The following NRF1 variants were observed in gnomAD, a reference collection of about 807,000 sequenced individuals.
The protein encoded by NRF1 is nuclear respiratory factor 1.
NRF1 carries 5 observed loss-of-function variants against 58.5 expected under a neutral mutation model. The ratio of observed to expected loss-of-function variants is 0.09; its 90% CI spans 0.04 to 0.18. NRF1 has a LOEUF of 0.18. Among genes scored for constraint, NRF1 ranks in the 10% least tolerant of loss-of-function variants. NRF1 has a pLI of 1.00. For synonymous variants in NRF1, 224 were observed against 246.7 expected (o/e 0.91, Z 0.86); for missense variants, 288 against 657.7 (o/e 0.44, Z 6.15).
At chr7:129,625,836 C>T (rs573239114) in intron 1 of NRF1, among the ~76,000 whole-genome samples, 2 of 152,184 alleles carry the variant, frequency 1.3e-5, no homozygotes, top group African/African-American at 2.4e-5. Flanking sequence ...TGCCTGCCAC[C>T]ACACCTGGCT....
At chr7:129,709,471 TGGA>T in intron 6 of NRF1, among the ~76,000 whole-genome samples, 1 of 152,296 alleles carries the variant, frequency 6.6e-6, no homozygotes, top group South Asian at 2.1e-4. Context: ...GGTTGCCTTT[TGGA>T]GCAGTTTTAA....
intron 10 of NRF1, among the ~76,000 whole-genome samples, chr7:129,745,388 C>T (rs1257216054): frequency 2.0e-5 from 3 of 152,208 alleles, no homozygotes; most frequent in South Asian, 2.1e-4. Flanking sequence ...CAAGCATCAC[C>T]GCCCGAGCTC....
rs67443980 is a variant in NRF1 at position 129,719,497 on chromosome 7, A to AACACACACACACACACAC, written c.1223+2151_1223+2168dup. Among the ~76,000 whole-genome samples, 721 of 141,972 alleles carry AACACACACACACACACAC rather than the reference A, an allele frequency of 5.1e-3. 10 individuals carry two copies. Among genetic ancestry groups the AACACACACACACACACAC allele is most frequent in the Middle Eastern group, 0.011 (3 of 270 alleles). The allele number at this position is 141,972 out of a possible 152,430, so 93.1% of individuals were successfully genotyped here. Reference sequence around the variant, plus strand: ...TGGTTGATTAGGAATAGGAAACTGAAACACACACACACACACACACACACA... The same window carrying AACACACACACACACACAC: ...TGGTTGATTAGGAATAGGAAACTGAAACACACACACACACACACACACACACACACACACACACACACA... On this transcript the variant is annotated intron_variant, in intron 9 of 10. Coordinates refer to ENST00000393232, the MANE Select transcript of NRF1 (RefSeq NM_005011.5).
intron 5 of NRF1, among the ~76,000 whole-genome samples, chr7:129,703,876 GC>G (rs1470756513): frequency 1.3e-5 from 2 of 151,992 alleles, no homozygotes; most frequent in Non-Finnish European, 2.9e-5. Flanking sequence ...TGTTTCTCCT[GC>G]CTCACATATT....
chr7:129,714,739 C>CT (rs1346440987), intron 8 of NRF1, among the ~76,000 whole-genome samples: 1 of 152,190 alleles, frequency 6.6e-6, no homozygotes, highest in African/African-American at 2.4e-5. Flanking sequence ...AGGAATGTCT[C>CT]TTTCTCTGAG....
rs1307100622 is a variant in NRF1, at chr7:129,755,158, G to A, written c.1489G>A (p.Glu497Lys). Reference protein sequence around the residue: ...SAVTMDGQAVEVVTLEQ With the variant: ...SAVTMDGQAVKVVTLEQ ...AGTCACCATGGACGGCCAAGCTGTG[G>A]AGGTGGTGACATTGGAACAGTGACA... is the stretch of plus-strand genomic sequence containing the variant. Residue 497 changes from glutamate to lysine, a missense_variant, in exon 11 of 11, where the codon GAG (glutamate) becomes AAG (lysine). By Grantham distance (56) the Glu-to-Lys change is moderately conservative. Coordinates refer to ENST00000393232, the MANE Select transcript of NRF1 (RefSeq NM_005011.5). The surrounding 1 kb of genome is among the most constrained non-coding windows in gnomAD (Gnocchi z 5.8). 1 of 1,612,508 alleles carries A rather than the reference G, an allele frequency of 6.2e-7. No individual in the cohort carries two copies. The highest frequency in any genetic ancestry group is 2.2e-5 in the East Asian group (1 of 44,722).
chr7:129,649,187 A>C (rs1801479565), intron 1 of NRF1, among the ~76,000 whole-genome samples: 1 of 152,138 alleles, frequency 6.6e-6, no homozygotes, highest in Non-Finnish European at 1.5e-5. Context: ...CTGAGGAGCA[A>C]ACCCTATAGT....
chr7:129,638,542 T>A (rs1236071149), intron 1 of NRF1, among the ~76,000 whole-genome samples: 1 of 152,306 alleles, frequency 6.6e-6, no homozygotes, highest in East Asian at 1.9e-4. Flanking sequence ...CTTTTCCCCT[T>A]CTGTTTTTGA....
intron 5 of NRF1, among the ~76,000 whole-genome samples, chr7:129,707,991 C>T (rs1016218222): frequency 1.3e-5 from 2 of 152,056 alleles, no homozygotes. Context: ...CTCATTAATA[C>T]TTAATTATTC....
rs1467779681 is a variant in NRF1, at chr7:129,619,482, GTGTGTGTGTATA to G, written c.-7+7660_-7+7671del. On this transcript the variant is annotated intron_variant, in intron 1 of 10. Coordinates refer to ENST00000393232, the MANE Select transcript of NRF1 (RefSeq NM_005011.5). ...CACGTGTGTGTGTGTGTGTGTGTGT[GTGTGTGTGTATA>G]TATATATATATATATATATGTATTG... Among the ~76,000 whole-genome samples the G allele has an allele frequency of 6.8e-3, 211 of 31,160 alleles. 5 individuals are homozygous for G. Among genetic ancestry groups the G allele is most frequent in the South Asian group, 0.021 (11 of 520 alleles). 20.4% of individuals were successfully genotyped at this position (31,160 alleles called of 152,430 possible).
intron 6 of NRF1, 69 bp downstream of exon 6, chr7:129,709,302 A>G (rs1803017640): frequency 7.6e-7 from 1 of 1,312,056 alleles, no homozygotes; most frequent in Non-Finnish European, 1.0e-6. Context: ...AATTTTTGTC[A>G]TTTCTACATC....
chr7:129,697,734 T>G (rs1802732384), intron 5 of NRF1, among the ~76,000 whole-genome samples: 1 of 151,902 alleles, frequency 6.6e-6, no homozygotes, highest in Admixed American at 6.6e-5. Flanking sequence ...TTACTTTTTT[T>G]GTTTTTGTTT....
At position 129,756,442 on chromosome 7, in the gene NRF1, CA is replaced by C. The variant is rs1804256791; in HGVS notation, c.*1262del. The stretch of plus-strand genomic sequence containing the variant: ...GCTTCAGAAGGGACTCCTGGAGGCC[CA>C]TGTTCCTTGATGCAACCTCGTGGCC... On this transcript the variant is annotated 3_prime_UTR_variant, in exon 11 of 11. Transcript: ENST00000393232. 6.6e-6 allele frequency: 1 copy of C among 152,444 alleles called. No homozygotes were observed. Among genetic ancestry groups the C allele is most frequent in the Non-Finnish European group, 1.5e-5 (1 of 68,120 alleles). The allele number at this position is 152,444 out of a possible 1,614,324, so 9.4% of individuals were successfully genotyped here.
intron 10 of NRF1, among the ~76,000 whole-genome samples, chr7:129,734,407 G>A (rs968364870): frequency 1.3e-5 from 2 of 152,194 alleles, no homozygotes; most frequent in Admixed American, 1.3e-4. Context: ...TTCCTGCCTA[G>A]ACTCCACAAA....
intron 1 of NRF1, among the ~76,000 whole-genome samples, chr7:129,615,156 G>T (rs12706898): frequency 0.43 from 65,334 of 152,100 alleles, 16,882 homozygotes; most frequent in Non-Finnish European, 0.58. Flanking sequence ...TCAGTCTTTA[G>T]AAACAGTCTA....
At chr7:129,733,907 C>T (rs900115826) in intron 10 of NRF1, among the ~76,000 whole-genome samples, 1 of 152,058 alleles carries the variant, frequency 6.6e-6, no homozygotes, top group Non-Finnish European at 1.5e-5. Flanking sequence ...CCTATAGTCA[C>T]AGCTACTCAG....
intron 10 of NRF1, among the ~76,000 whole-genome samples, chr7:129,752,337 C>CTGAT (rs1373339043): frequency 2.1e-5 from 3 of 142,284 alleles, no homozygotes; most frequent in Non-Finnish European, 3.0e-5. Flanking sequence ...AAGAGTGTGG[C>CTGAT]TGATAGATTG....
At chr7:129,737,209 G>T (rs547378423) in intron 10 of NRF1, among the ~76,000 whole-genome samples, 2 of 152,340 alleles carry the variant, frequency 1.3e-5, no homozygotes, top group South Asian at 4.1e-4. Context: ...TGCAGAGGTG[G>T]ATGCTGTAAA....
At position 129,654,773 on chromosome 7, in the gene NRF1, A is replaced by T. The variant is rs550021989; in HGVS notation, c.-6-2573A>T. Among the ~76,000 whole-genome samples, 183 of 152,144 alleles carry T rather than the reference A, an allele frequency of 1.2e-3. 2 individuals carry two copies. Among genetic ancestry groups the T allele is most frequent in the Non-Finnish European group, 2.0e-3 (136 of 68,036 alleles). ...TCTCAGAGATCAGCTGGCTCTATTT[A>T]TGTGGGTCTATTTCTGGACCTTCTC... On this transcript the variant is annotated intron_variant, in intron 1 of 10. Coordinates refer to ENST00000393232, the MANE Select transcript of NRF1 (RefSeq NM_005011.5).
Sources: allele counts gnomAD v4.1 joint callset (sites outside exome capture counted in the v4.1 genomes callset), GRCh38; gene constraint gnomAD v4.1.1; non-coding constraint Gnocchi (gnomAD v3.1); transcripts MANE v1.5; gene names NCBI Gene and HGNC (gene_info 2026-07-23, HGNC 2026-07-21).